SLC7A7: variants seen among roughly 807,000 people sequenced by gnomAD.
SLC7A7 encodes Y+L amino acid transporter 1.
A neutral mutation model predicts 47.9 loss-of-function variants in SLC7A7; 39 were observed. The observed-to-expected ratio is 0.81, with a 90% CI of 0.63 to 1.06. SLC7A7 has a LOEUF of 1.06. Among genes scored for constraint, SLC7A7 ranks in the 50% least tolerant of loss-of-function variants. SLC7A7 has a pLI of 0.00. For missense variants in SLC7A7, 588 were observed against 632.0 expected, an observed-to-expected ratio of 0.93 and a Z score of 0.75; for synonymous variants, 234 against 242.8, an observed-to-expected ratio of 0.96 and a Z score of 0.34.
At chr14:22,795,139 G>A (rs1301186556) in intron 2 of SLC7A7, among the ~76,000 whole-genome samples, 1 of 140,468 alleles carries the variant, frequency 7.1e-6, no homozygotes. Context: ...GGAATGCAGT[G>A]GCACAATCTT....
chr14:22,798,112 A>G (rs1363788539), intron 2 of SLC7A7, among the ~76,000 whole-genome samples: 1 of 152,144 alleles, frequency 6.6e-6, no homozygotes, highest in Non-Finnish European at 1.5e-5. Flanking sequence ...CCTGGCCAAC[A>G]TGGTGAAACC....
At chr14:22,777,903 T>C (rs985159578) in intron 4 of SLC7A7, among the ~76,000 whole-genome samples, 4 of 152,088 alleles carry the variant, frequency 2.6e-5, no homozygotes, top group Non-Finnish European at 4.4e-5. Context: ...GTGAAACCCA[T>C]GTCTCTACTA....
chr14:22,775,121 C>CTTCACCCTCT (rs956691270), intron 7 of SLC7A7, among the ~76,000 whole-genome samples: 1 of 151,374 alleles, frequency 6.6e-6, no homozygotes, highest in African/African-American at 2.4e-5. Flanking sequence ...AGATGTAATT[C>CTTCACCCTCT]TTCACCCTCT....
At chr14:22,800,383 C>T (rs1322348921) in intron 2 of SLC7A7, among the ~76,000 whole-genome samples, 1 of 152,202 alleles carries the variant, frequency 6.6e-6, no homozygotes, top group East Asian at 1.9e-4. Flanking sequence ...CATCAAGAGG[C>T]AGGGTCTGTA....
intron 2 of SLC7A7, among the ~76,000 whole-genome samples, chr14:22,807,878 T>A (rs2039239407): frequency 6.6e-6 from 1 of 152,182 alleles, no homozygotes; most frequent in Non-Finnish European, 1.5e-5. Flanking sequence ...TTGTCCCATT[T>A]AGGTCGGGCG....
chr14:22,799,736 T>C (rs566174661), intron 2 of SLC7A7, among the ~76,000 whole-genome samples: 92 of 152,254 alleles, frequency 6.0e-4, no homozygotes, highest in African/African-American at 2.1e-3. Context: ...ATTACAGGTG[T>C]GAGCCACCGC....
chr14:22,780,148 A>G, intron 2 of SLC7A7, 97 bp from the exon 3 acceptor site: 1 of 1,546,790 alleles, frequency 6.5e-7, no homozygotes, highest in South Asian at 1.1e-5. Context: ...CAAGATATAT[A>G]TACCCTTCAG....
intron 2 of SLC7A7, among the ~76,000 whole-genome samples, chr14:22,792,906 A>AGAGAGAGAGAG: frequency 7.1e-6 from 1 of 140,726 alleles, no homozygotes; most frequent in Non-Finnish European, 1.6e-5. Flanking sequence ...AAAGGAAAAG[A>AGAGAGAGAGAG]AAAGAAAAAT....
intron 2 of SLC7A7, among the ~76,000 whole-genome samples, chr14:22,803,000 T>C (rs1368742025): frequency 1.3e-5 from 2 of 152,134 alleles, no homozygotes; most frequent in Non-Finnish European, 2.9e-5. Context: ...ATTGAGCACC[T>C]AGCAGATACC....
At chr14:22,796,681 A>C (rs576410106) in intron 2 of SLC7A7, among the ~76,000 whole-genome samples, 2 of 152,198 alleles carry the variant, frequency 1.3e-5, no homozygotes, top group Non-Finnish European at 2.9e-5. Context: ...CCTGAATGGC[A>C]AAACAACTAG....
chr14:22,800,893 C>T (rs1343113673), intron 2 of SLC7A7, among the ~76,000 whole-genome samples: 2 of 151,926 alleles, frequency 1.3e-5, no homozygotes, highest in African/African-American at 2.4e-5. Flanking sequence ...GAGCCGAGAT[C>T]GCGCCACTGC....
chr14:22,817,465 G>A (rs199935212), upstream of SLC7A7, among the ~76,000 whole-genome samples: 5 of 152,030 alleles, frequency 3.3e-5, no homozygotes, highest in South Asian at 2.1e-4. Context: ...TCAGCCTCCC[G>A]AGTAGCTGGG....
chr14:22,780,381 G>A (rs561069733), intron 2 of SLC7A7: 45 of 307,122 alleles, frequency 1.5e-4, no homozygotes, highest in Admixed American at 1.0e-3. Flanking sequence ...TGATTGTTCC[G>A]GCTCTTGGCT....
At chr14:22,794,967 G>C (rs1028701307) in intron 2 of SLC7A7, among the ~76,000 whole-genome samples, 1 of 151,922 alleles carries the variant, frequency 6.6e-6, no homozygotes, top group African/African-American at 2.4e-5. Context: ...CAATTTTTCT[G>C]CTTCCTTAAT....
intron 2 of SLC7A7, among the ~76,000 whole-genome samples, chr14:22,806,367 T>C (rs549819644): frequency 1.3e-5 from 2 of 151,642 alleles, no homozygotes; most frequent in African/African-American, 4.8e-5. Context: ...GGCTAATTTT[T>C]TTGTGTTTTA....
intron 2 of SLC7A7, among the ~76,000 whole-genome samples, chr14:22,795,215 G>A (rs1487169860): frequency 1.3e-5 from 2 of 149,938 alleles, no homozygotes; most frequent in East Asian, 3.9e-4. Context: ...TGAGTAGCTG[G>A]GACTACAGGC....
Position 22,813,258 on chromosome 14 carries a change from C to T in SLC7A7, c.141G>A (p.Val47=). 1 of 1,613,888 alleles carries T rather than the reference C, an allele frequency of 6.2e-7. No homozygotes were observed. The highest frequency in any genetic ancestry group is 1.7e-5 in the Admixed American group (1 of 60,026). ...AGATGCCCGAGCCGATCATGTTCCCCACAATCAGGCACACGCCGTTAAGCA... is the reference window on the plus strand; with the variant it reads ...AGATGCCCGAGCCGATCATGTTCCCTACAATCAGGCACACGCCGTTAAGCA... The part of the protein sequence containing the change: ...ISLLNGVCLI[V]GNMIGSGIFV... Residue 47 remains valine (V), a synonymous_variant, in exon 2 of 10, where the codon GTG becomes GTA. Transcript: ENST00000674313.
Position 22,779,969 on chromosome 14 carries a change from T to TG in SLC7A7, c.581dup (p.Leu195ThrfsTer11). The TG allele has an allele frequency of 6.2e-7, 1 of 1,614,162 alleles. No individual in the cohort carries two copies. Among genetic ancestry groups the TG allele is most frequent in the Non-Finnish European group, 8.5e-7 (1 of 1,180,030 alleles). ...TGCCTGCAACGATGACCGCGATCAG[T>TG]GCCAATACTTTAGCATAGGTGAAAA... On this transcript the variant is annotated frameshift_variant, in exon 3 of 10. Coordinates refer to ENST00000674313, the MANE Select transcript of SLC7A7 (RefSeq NM_003982.4). LOFTEE classifies it high-confidence loss of function.
At chr14:22,774,604 A>C in intron 7 of SLC7A7, 101 bp from the exon 8 acceptor site, 12 of 1,483,890 alleles carry the variant, frequency 8.1e-6, no homozygotes, top group Middle Eastern at 2.0e-4. Context: ...GTCAATCCTC[A>C]AAGTCTCCTG....
Sources: allele counts gnomAD v4.1 joint callset (sites outside exome capture counted in the v4.1 genomes callset), GRCh38; gene constraint gnomAD v4.1.1; transcripts MANE v1.5; gene names NCBI Gene and HGNC (gene_info 2026-07-23, HGNC 2026-07-21).